Variants in ANKS1B observed in about 807,000 individuals in gnomAD.
ANKS1B encodes ankyrin repeat and sterile alpha motif domain containing 1B.
Under a neutral mutation model 148.3 loss-of-function variants are expected in ANKS1B, and 36 were observed. That is an observed-to-expected ratio of 0.24 (90% CI 0.19 to 0.32). The LOEUF (loss-of-function observed/expected upper bound fraction) is 0.32. Among genes scored for constraint, ANKS1B ranks in the 10% least tolerant of loss-of-function variants. ANKS1B has a pLI of 1.00. For synonymous variants in ANKS1B, 542 were observed against 560.8 expected (o/e 0.97, Z 0.47); for missense variants, 1,157 against 1,542.6 (o/e 0.75, Z 4.19).
At chr12:99,096,956 T>C (rs1041499789) in intron 15 of ANKS1B, 18 of 152,332 alleles carry the variant, frequency 1.2e-4, no homozygotes, top group African/African-American at 4.1e-4. Context: ...GATAAACAGC[T>C]ATAGAATTTC....
chr12:99,792,717 T>C (rs1162638411), intron 4 of ANKS1B, among the ~76,000 whole-genome samples: 1 of 151,952 alleles, frequency 6.6e-6, no homozygotes, highest in Admixed American at 6.6e-5. Flanking sequence ...AATCCATATA[T>C]GACAGACTCA....
intron 8 of ANKS1B, among the ~76,000 whole-genome samples, chr12:99,707,697 C>G (rs1484815903): frequency 6.6e-6 from 1 of 152,024 alleles, no homozygotes; most frequent in Non-Finnish European, 1.5e-5. Flanking sequence ...GAAAGGGCAG[C>G]AGGGAGCTAG....
intron 17 of ANKS1B, among the ~76,000 whole-genome samples, chr12:98,915,363 T>TG (rs1331673857): frequency 6.6e-6 from 1 of 151,392 alleles, no homozygotes; most frequent in Non-Finnish European, 1.5e-5. Flanking sequence ...GAGACAGAAT[T>TG]TTTTTTTAGA....
intron 12 of ANKS1B, among the ~76,000 whole-genome samples, chr12:99,274,357 A>G (rs1461760657): frequency 5.9e-5 from 9 of 152,110 alleles, no homozygotes; most frequent in Non-Finnish European, 1.2e-4. Flanking sequence ...ACATTTTGTC[A>G]TCTAACAAGA....
At chr12:98,879,518 G>C (rs1391980801) in intron 17 of ANKS1B, among the ~76,000 whole-genome samples, 1 of 152,084 alleles carries the variant, frequency 6.6e-6, no homozygotes, top group Non-Finnish European at 1.5e-5. Flanking sequence ...AATAACACTG[G>C]CATGTTATAA....
intron 12 of ANKS1B, among the ~76,000 whole-genome samples, chr12:99,319,224 T>C (rs1384212417): frequency 6.6e-6 from 1 of 152,130 alleles, no homozygotes; most frequent in Non-Finnish European, 1.5e-5. Flanking sequence ...TTCCTGGATA[T>C]CCTTGTTAAC....
chr12:98,753,324 C>T (rs563837698), intron 25 of ANKS1B, among the ~76,000 whole-genome samples: 15 of 152,352 alleles, frequency 9.8e-5, no homozygotes, highest in Non-Finnish European at 1.9e-4. Context: ...CCACCACACC[C>T]TGAGGTCACA....
intron 9 of ANKS1B, among the ~76,000 whole-genome samples, chr12:99,507,481 T>C (rs1035928254): frequency 6.6e-6 from 1 of 151,914 alleles, no homozygotes; most frequent in Non-Finnish European, 1.5e-5. Flanking sequence ...CATGCTGAGA[T>C]AACTGAGGGT....
At chr12:99,531,633 G>A (rs764419118) in intron 9 of ANKS1B, among the ~76,000 whole-genome samples, 5 of 152,188 alleles carry the variant, frequency 3.3e-5, no homozygotes, top group African/African-American at 4.8e-5. Context: ...GATTGATTCC[G>A]TATCTTTGCA....
At chr12:99,922,230 T>A (rs940313104) in intron 1 of ANKS1B, among the ~76,000 whole-genome samples, 1 of 152,172 alleles carries the variant, frequency 6.6e-6, no homozygotes, top group African/African-American at 2.4e-5. Flanking sequence ...GTGACAGTAA[T>A]TGGTACATCT....
intron 1 of ANKS1B, among the ~76,000 whole-genome samples, chr12:99,857,835 T>C (rs1296885856): frequency 2.6e-5 from 4 of 152,128 alleles, no homozygotes; most frequent in African/African-American, 4.8e-5. Context: ...ACTAGCCACA[T>C]GTAGGAGAAT....
chr12:99,249,615 G>T (rs1307033816), intron 12 of ANKS1B, among the ~76,000 whole-genome samples: 1 of 152,192 alleles, frequency 6.6e-6, no homozygotes, highest in African/African-American at 2.4e-5. Context: ...AAGAAAAGGA[G>T]AAGTTGATAT....
chr12:98,933,311 T>C (rs1221659955), intron 17 of ANKS1B, among the ~76,000 whole-genome samples: 1 of 152,192 alleles, frequency 6.6e-6, no homozygotes, highest in African/African-American at 2.4e-5. Flanking sequence ...TGTCACATAT[T>C]GCAGAGTTTC....
chr12:98,829,098 A>G lies in ANKS1B; in HGVS notation c.3066+76T>C. The stretch of plus-strand genomic sequence containing the variant: ...TTAGGCACGGACAATAAGCATCCAT[A>G]GGAAGCTACTGTTCACTATTAAAAG... On this transcript the variant is annotated intron_variant, in intron 19 of 26. Coordinates refer to ENST00000683438, the MANE Select transcript of ANKS1B (RefSeq NM_001352186.2). The surrounding 1 kb of genome is among the most constrained non-coding windows in gnomAD (Gnocchi z 5.2). 6.7e-7 allele frequency: 1 copy of G among 1,496,910 alleles called. No individual in the cohort carries two copies. 92.7% of individuals were successfully genotyped at this position (1,496,910 alleles called of 1,614,324 possible). A position where few individuals can be genotyped will look rare whatever the true frequency, so the allele number is the denominator to read the frequency against.
chr12:99,591,523 T>G (rs1262353115), intron 9 of ANKS1B, among the ~76,000 whole-genome samples: 2 of 146,786 alleles, frequency 1.4e-5, no homozygotes, highest in Non-Finnish European at 3.0e-5. Flanking sequence ...AATTATTCAT[T>G]AATTCTACCA....
chr12:98,952,841 A>C (rs2099856121), intron 17 of ANKS1B, among the ~76,000 whole-genome samples: 1 of 152,032 alleles, frequency 6.6e-6, no homozygotes, highest in Admixed American at 6.6e-5. Flanking sequence ...CCAAGTTCAA[A>C]ATCATTGTTA....
chr12:99,501,533 C>G (rs2096655741), intron 10 of ANKS1B, among the ~76,000 whole-genome samples: 3 of 152,162 alleles, frequency 2.0e-5, no homozygotes, highest in South Asian at 2.1e-4. Context: ...TTCCCACCCC[C>G]TGACCTGCCT....
chr12:98,965,196 A>G (rs770602450), intron 17 of ANKS1B, among the ~76,000 whole-genome samples: 3 of 152,204 alleles, frequency 2.0e-5, no homozygotes, highest in Non-Finnish European at 4.4e-5. Flanking sequence ...TCCAGGTGCT[A>G]GGAACAGAAT....
chr12:99,957,445 T>G (rs1204612186), intron 1 of ANKS1B, among the ~76,000 whole-genome samples: 1 of 152,238 alleles, frequency 6.6e-6, no homozygotes, highest in Non-Finnish European at 1.5e-5. Context: ...CTGGAATCCA[T>G]AGTGAAAAGT....
Sources: allele counts gnomAD v4.1 joint callset (sites outside exome capture counted in the v4.1 genomes callset), GRCh38; gene constraint gnomAD v4.1.1; non-coding constraint Gnocchi (gnomAD v3.1); transcripts MANE v1.5; gene names NCBI Gene and HGNC (gene_info 2026-07-23, HGNC 2026-07-21).